GHR: variants seen among roughly 807,000 people sequenced by gnomAD.
GHR encodes GH receptor.
GHR carries 35 observed loss-of-function variants against 67.1 expected under a neutral mutation model. The observed-to-expected ratio is 0.52, with a 90% CI of 0.40 to 0.69. GHR has a LOEUF of 0.69. Among genes scored for constraint, GHR ranks in the 30% least tolerant of loss-of-function variants. GHR has a pLI of 0.00. For missense variants in GHR, 792 were observed against 764.6 expected (o/e 1.04, Z -0.42); for synonymous variants, 272 against 269.1 (o/e 1.01, Z -0.10).
intron 1 of GHR, among the ~76,000 whole-genome samples, chr5:42,482,536 C>T (rs951722149): frequency 3.4e-4 from 51 of 152,228 alleles, no homozygotes; most frequent in African/African-American, 9.6e-4. Context: ...CCACCCAGTT[C>T]GAGCTTCCTG....
In GHR at chr5:42,479,655, T is replaced by G. The variant is rs184346241; in HGVS notation, c.-12+55700T>G. 2.5e-3 allele frequency among the ~76,000 whole-genome samples: 386 copies of G among 152,342 alleles called. 2 individuals are homozygous for G. The highest frequency in any genetic ancestry group is 8.8e-3 in the African/African-American group (367 of 41,568). ...AGGAATTTATCCATTTCTTCTAGAT[T>G]TTCTAGTTTATTTGCGTAAAGGTGT... On this transcript the variant is annotated intron_variant, in intron 1 of 9. Coordinates refer to ENST00000230882, the MANE Select transcript of GHR (RefSeq NM_000163.5).
At chr5:42,660,983 C>T (rs1439783159) in intron 3 of GHR, among the ~76,000 whole-genome samples, 5 of 152,004 alleles carry the variant, frequency 3.3e-5, no homozygotes, top group Non-Finnish European at 7.4e-5. Flanking sequence ...GGAGCCGATG[C>T]GATCAGCTGG....
intron 3 of GHR, among the ~76,000 whole-genome samples, chr5:42,686,864 A>G (rs1040866351): frequency 1.3e-5 from 2 of 152,226 alleles, no homozygotes; most frequent in Admixed American, 6.5e-5. Context: ...AGGGTATTCA[A>G]TTAGGAAAAG....
intron 3 of GHR, among the ~76,000 whole-genome samples, chr5:42,663,738 T>G (rs568598673): frequency 1.3e-5 from 2 of 152,344 alleles, no homozygotes; most frequent in South Asian, 4.1e-4. Context: ...TTGGAAGTTC[T>G]GGCCAGGGCA....
intron 2 of GHR, among the ~76,000 whole-genome samples, chr5:42,628,355 T>G (rs1753806782): frequency 6.9e-6 from 1 of 145,546 alleles, no homozygotes; most frequent in Non-Finnish European, 1.5e-5. Context: ...TTCTACCCAG[T>G]GTTTCCCTGT....
At position 42,473,355 on chromosome 5, in the gene GHR, C is replaced by T. The variant is rs577526728; in HGVS notation, c.-12+49400C>T. Among the ~76,000 whole-genome samples the T allele has an allele frequency of 5.9e-5, 9 of 151,952 alleles. No individual in the cohort carries two copies. In the South Asian group the frequency reaches 1.0e-3, roughly 18 times the overall value. On this transcript the variant is annotated intron_variant, in intron 1 of 9. Transcript: ENST00000230882. Reference sequence around the variant, plus strand: ...AAACAATTCTCTTGACTCAGCCTCCCGATTTCTAAGTGGAGAGTTATGAAT... The same window carrying T: ...AAACAATTCTCTTGACTCAGCCTCCTGATTTCTAAGTGGAGAGTTATGAAT...
intron 1 of GHR, among the ~76,000 whole-genome samples, chr5:42,508,118 G>C (rs1420488241): frequency 1.3e-5 from 2 of 152,196 alleles, no homozygotes; most frequent in African/African-American, 4.8e-5. Flanking sequence ...TCCATTTTCT[G>C]ATACTTTCTT....
intron 1 of GHR, chr5:42,466,929 G>A: frequency 6.6e-7 from 1 of 1,522,444 alleles, no homozygotes; most frequent in African/African-American, 1.4e-5. Flanking sequence ...TGAGGTGTGA[G>A]TTGGAAATGA....
intron 1 of GHR, among the ~76,000 whole-genome samples, chr5:42,542,383 T>A (rs932873833): frequency 2.0e-5 from 3 of 152,116 alleles, no homozygotes; most frequent in African/African-American, 7.2e-5. Flanking sequence ...GTAGTGGAGA[T>A]TAAAGCCTGA....
intron 2 of GHR, among the ~76,000 whole-genome samples, chr5:42,580,550 G>T (rs1751110551): frequency 6.6e-6 from 1 of 152,040 alleles, no homozygotes; most frequent in Non-Finnish European, 1.5e-5. Context: ...AAAATAAATT[G>T]AAACTAAACT....
chr5:42,435,651 G>T (rs1473615858), intron 1 of GHR, among the ~76,000 whole-genome samples: 1 of 152,174 alleles, frequency 6.6e-6, no homozygotes, highest in Non-Finnish European at 1.5e-5. Context: ...AGAAACCAAT[G>T]TTAGTACAGT....
rs114282236 is a variant in GHR at position 42,617,304 on chromosome 5, C to A, written c.71-11734C>A. On this transcript the variant is annotated intron_variant, in intron 2 of 9. Coordinates refer to ENST00000230882, the MANE Select transcript of GHR (RefSeq NM_000163.5). ...TTAGGGCAAGGGGCTAATAGCAAACCAAACTCATTTGTAATCTAAATGGTC... is the reference window on the plus strand; with the variant it reads ...TTAGGGCAAGGGGCTAATAGCAAACAAAACTCATTTGTAATCTAAATGGTC... Among the ~76,000 whole-genome samples the A allele has an allele frequency of 3.5e-3, 528 of 151,094 alleles. 3 individuals are homozygous for A. The highest frequency in any genetic ancestry group is 0.012 in the African/African-American group (500 of 41,162).
chr5:42,447,551 T>C (rs570984558), intron 1 of GHR, among the ~76,000 whole-genome samples: 1 of 152,288 alleles, frequency 6.6e-6, no homozygotes, highest in Admixed American at 6.5e-5. Flanking sequence ...GCTTGTTCCA[T>C]ATTTTTGCAA....
At chr5:42,533,466 G>C (rs894422985) in intron 1 of GHR, among the ~76,000 whole-genome samples, 2 of 151,622 alleles carry the variant, frequency 1.3e-5, no homozygotes, top group South Asian at 4.2e-4. Flanking sequence ...TTTTAATTTT[G>C]ATATAGTTAA....
At chr5:42,608,667 T>G (rs1272883548) in intron 2 of GHR, among the ~76,000 whole-genome samples, 3 of 152,198 alleles carry the variant, frequency 2.0e-5, no homozygotes, top group Admixed American at 6.5e-5. Flanking sequence ...AGTCTTCATA[T>G]TTTGAACCCT....
chr5:42,615,484 G>A (rs944563473), intron 2 of GHR, among the ~76,000 whole-genome samples: 4 of 151,942 alleles, frequency 2.6e-5, no homozygotes, highest in African/African-American at 9.7e-5. Context: ...CCAAGAGCTA[G>A]GCATTTAGGA....
intron 1 of GHR, among the ~76,000 whole-genome samples, chr5:42,553,288 C>T (rs1749132190): frequency 6.6e-6 from 1 of 152,152 alleles, no homozygotes; most frequent in Non-Finnish European, 1.5e-5. Flanking sequence ...TTCCTCCAAG[C>T]TCATTCCAGT....
intron 1 of GHR, among the ~76,000 whole-genome samples, chr5:42,487,668 C>T (rs1745939569): frequency 6.6e-6 from 1 of 152,092 alleles, no homozygotes; most frequent in African/African-American, 2.4e-5. Flanking sequence ...TTCCATGATG[C>T]CTTCCAAAAC....
chr5:42,717,228 G>A (rs1361704758), intron 8 of GHR, among the ~76,000 whole-genome samples: 6 of 152,086 alleles, frequency 3.9e-5, no homozygotes, highest in African/African-American at 1.4e-4. Flanking sequence ...TGGCCCAGGA[G>A]TTTGAGGCTG....
Sources: gnomAD v4.1 joint callset for allele counts (sites outside exome capture counted in the v4.1 genomes callset) on GRCh38, gnomAD v4.1.1 for gene constraint, MANE v1.5 for transcripts, NCBI Gene and HGNC (gene_info 2026-07-23, HGNC 2026-07-21) for gene names.